The following VAV3 variants were observed in gnomAD, a reference collection of about 807,000 sequenced individuals.
VAV3 encodes the protein guanine nucleotide exchange factor VAV3.
VAV3 carries 94 observed loss-of-function variants against 131.2 expected under a neutral mutation model. The ratio of observed to expected loss-of-function variants is 0.72; its 90% CI spans 0.61 to 0.85. The LOEUF (loss-of-function observed/expected upper bound fraction) is 0.85. VAV3 is among the 40% of genes least tolerant of loss of function. The pLI, the probability that VAV3 is intolerant of heterozygous loss-of-function variation, is 0.00. For missense variants in VAV3, 939 were observed against 1,002.7 expected, an observed-to-expected ratio of 0.94 and a Z score of 0.86; for synonymous variants, 349 against 342.0, an observed-to-expected ratio of 1.02 and a Z score of -0.22.
intron 25 of VAV3, among the ~76,000 whole-genome samples, chr1:107,586,111 C>G (rs1031855819): frequency 1.3e-5 from 2 of 149,738 alleles, no homozygotes; most frequent in African/African-American, 2.5e-5. Context: ...CATCCCTCAG[C>G]GCTCATGAGT....
chr1:107,882,881 T>C (rs1192856332), intron 1 of VAV3, among the ~76,000 whole-genome samples: 1 of 152,148 alleles, frequency 6.6e-6, no homozygotes, highest in Non-Finnish European at 1.5e-5. Flanking sequence ...AGCTTCAAAT[T>C]ATTTTCATAC....
At chr1:107,573,585 A>T (rs1649401379) in intron 26 of VAV3, among the ~76,000 whole-genome samples, 2 of 152,254 alleles carry the variant, frequency 1.3e-5, no homozygotes, top group Non-Finnish European at 2.9e-5. Flanking sequence ...CTAATCCACT[A>T]GCACACAAAT....
intron 15 of VAV3, among the ~76,000 whole-genome samples, chr1:107,729,861 C>T (rs912408991): frequency 6.6e-6 from 1 of 152,022 alleles, no homozygotes; most frequent in African/African-American, 2.4e-5. Flanking sequence ...TGTTTTTAGT[C>T]AAAAATTTTA....
At chr1:107,785,720 T>C in intron 2 of VAV3, 2 of 980,122 alleles carry the variant, frequency 2.0e-6, no homozygotes, top group Non-Finnish European at 2.5e-6. Context: ...GTGGAGAAAT[T>C]CAGACAGAAG....
chr1:107,827,987 G>A (rs943466236), intron 2 of VAV3, among the ~76,000 whole-genome samples: 2 of 152,150 alleles, frequency 1.3e-5, no homozygotes, highest in African/African-American at 4.8e-5. Context: ...TCTGGGACAT[G>A]GGAGTCAAGA....
At chr1:107,761,674 C>T (rs1664439539) in intron 9 of VAV3, among the ~76,000 whole-genome samples, 1 of 152,172 alleles carries the variant, frequency 6.6e-6, no homozygotes, top group African/African-American at 2.4e-5. Flanking sequence ...AATCCTAGGC[C>T]TTTCGTAACA....
chr1:107,669,949 G>T (rs766394870), intron 19 of VAV3, among the ~76,000 whole-genome samples: 12 of 152,106 alleles, frequency 7.9e-5, no homozygotes, highest in Non-Finnish European at 1.8e-4. Flanking sequence ...AAATAAAGAT[G>T]ATTTCACAAC....
rs1649316522 is a variant in VAV3, at chr1:107,572,283, A to G, written c.*1048T>C. ...CACTGACCCTCTTTCTGTCCCAGAA[A>G]TGAATAAAGGACCCAGTTGTGCTTT... On this transcript the variant is annotated 3_prime_UTR_variant, in exon 27 of 27. Coordinates refer to ENST00000370056, the MANE Select transcript of VAV3 (RefSeq NM_006113.5). The G allele has an allele frequency of 6.6e-6, 1 of 152,234 alleles. No individual in the cohort carries two copies. The highest frequency in any genetic ancestry group is 6.5e-5 in the Admixed American group (1 of 15,280). The allele number at this position is 152,234 out of a possible 1,614,324, so 9.4% of individuals were successfully genotyped here.
intron 20 of VAV3, among the ~76,000 whole-genome samples, chr1:107,618,897 C>T (rs1440375158): frequency 1.3e-5 from 2 of 152,124 alleles, no homozygotes; most frequent in Non-Finnish European, 2.9e-5. Flanking sequence ...GATGGCATTT[C>T]TTTAAAGGTG....
At chr1:107,617,967 G>A (rs1653289321) in intron 20 of VAV3, among the ~76,000 whole-genome samples, 1 of 152,158 alleles carries the variant, frequency 6.6e-6, no homozygotes, top group South Asian at 2.1e-4. Context: ...GGGGTGAGGT[G>A]AGGTGGGTGC....
rs371916008 is a variant in VAV3, at chr1:107,596,261, C to T, written c.2301G>A (p.Lys767=). 8.7e-5 allele frequency: 140 copies of T among 1,613,494 alleles called. No individual in the cohort carries two copies. The highest frequency in any genetic ancestry group is 1.2e-4 in the Non-Finnish European group (138 of 1,179,636). Residue 767 remains lysine, a synonymous_variant, in exon 25 of 27, where the codon AAG becomes AAA. Transcript: ENST00000370056. The stretch of plus-strand genomic sequence containing the variant: ...TCTGTCCAGCTGAATGTTCTGGCTC[C>T]TTGTATGGAAACTGCAGAGTTGTAT... ...TLDTTLQFPY[K]EPEHSAGQRG...
At chr1:107,582,893 A>C (rs1390833416) in intron 25 of VAV3, among the ~76,000 whole-genome samples, 1 of 152,118 alleles carries the variant, frequency 6.6e-6, no homozygotes, top group Non-Finnish European at 1.5e-5. Flanking sequence ...GTGTCTTTAT[A>C]GCAGCATGAT....
At chr1:107,722,840 C>CTTTTTTTTTTTTT (rs374127110) in intron 15 of VAV3, among the ~76,000 whole-genome samples, 27 of 129,808 alleles carry the variant, frequency 2.1e-4, no homozygotes, top group Non-Finnish European at 2.5e-4. Context: ...ATTATCCTCT[C>CTTTTTTTTTTTTT]TTTTTTTTTT....
chr1:107,667,607 C>CACACAA (rs1229977505), intron 19 of VAV3, among the ~76,000 whole-genome samples: 1 of 152,066 alleles, frequency 6.6e-6, no homozygotes, highest in Non-Finnish European at 1.5e-5. Flanking sequence ...TACACACACA[C>CACACAA]ACACAAACAA....
intron 1 of VAV3, among the ~76,000 whole-genome samples, chr1:107,901,683 C>T (rs761022685): frequency 1.3e-4 from 20 of 152,032 alleles, no homozygotes; most frequent in Non-Finnish European, 2.6e-4. Flanking sequence ...GTATTATTTT[C>T]TTTCAACCAA....
chr1:107,622,398 G>A (rs1005958250), intron 20 of VAV3, among the ~76,000 whole-genome samples: 47 of 152,120 alleles, frequency 3.1e-4, no homozygotes, highest in Admixed American at 2.1e-3. Flanking sequence ...CACAGACAAG[G>A]ATGGCTTAAA....
intron 2 of VAV3, among the ~76,000 whole-genome samples, chr1:107,839,309 C>G (rs1056756001): frequency 6.6e-6 from 1 of 152,046 alleles, no homozygotes; most frequent in Non-Finnish European, 1.5e-5. Flanking sequence ...CATACCTTAA[C>G]AGAATAGAAA....
At chr1:107,676,740 A>G (rs1449557395) in intron 19 of VAV3, among the ~76,000 whole-genome samples, 1 of 152,144 alleles carries the variant, frequency 6.6e-6, no homozygotes, top group Non-Finnish European at 1.5e-5. Context: ...GTTCTAGTAA[A>G]TTTACCTTTA....
At chr1:107,705,175 A>C in intron 15 of VAV3, 114 bp from the exon 16 acceptor site, 1 of 774,048 alleles carries the variant, frequency 1.3e-6, no homozygotes, top group Non-Finnish European at 2.1e-6. Flanking sequence ...TGATTCAAGC[A>C]AAATGACTAC....
Sources: allele counts gnomAD v4.1 joint callset (sites outside exome capture counted in the v4.1 genomes callset), GRCh38; gene constraint gnomAD v4.1.1; transcripts MANE v1.5; gene names NCBI Gene and HGNC (gene_info 2026-07-23, HGNC 2026-07-21).